Variants in RYR2 observed in about 807,000 individuals in gnomAD.
RYR2 encodes ryanodine receptor 2.
In RYR2, 227 loss-of-function variants were observed where a neutral mutation model predicts 601.1. The observed-to-expected ratio is 0.38, with a 90% CI of 0.34 to 0.42. The LOEUF is 0.42. RYR2 is among the 10% of genes least tolerant of loss of function. RYR2 has a pLI of 1.00. For missense variants in RYR2, 4,646 were observed against 6,156.5 expected, an observed-to-expected ratio of 0.75 and a Z score of 8.21; for synonymous variants, 2,223 against 2,175.1, an observed-to-expected ratio of 1.02 and a Z score of -0.61.
intron 12 of RYR2, among the ~76,000 whole-genome samples, chr1:237,429,667 A>G (rs767037833): frequency 2.5e-4 from 38 of 152,208 alleles, no homozygotes; most frequent in Non-Finnish European, 4.7e-4. Flanking sequence ...AATGCCTGTG[A>G]CAAAGCAGGT....
intron 24 of RYR2, among the ~76,000 whole-genome samples, chr1:237,516,972 G>A (rs1482529780): frequency 1.3e-5 from 2 of 152,080 alleles, no homozygotes; most frequent in South Asian, 2.1e-4. Context: ...ATACACACAC[G>A]TGCATTCATT....
At chr1:237,555,724 A>G (rs984033909) in intron 27 of RYR2, among the ~76,000 whole-genome samples, 8 of 152,142 alleles carry the variant, frequency 5.3e-5, no homozygotes, top group South Asian at 2.1e-4. Flanking sequence ...GGTTGACTCA[A>G]TTTTAAACTT....
At chr1:237,586,718 C>CT (rs895694157) in intron 29 of RYR2, among the ~76,000 whole-genome samples, 49 of 149,258 alleles carry the variant, frequency 3.3e-4, no homozygotes, top group African/African-American at 1.0e-3. Context: ...ATAACAACTT[C>CT]TTTTTTTTTT....
intron 48 of RYR2, among the ~76,000 whole-genome samples, chr1:237,647,894 G>C (rs1220344496): frequency 6.6e-6 from 1 of 152,184 alleles, no homozygotes; most frequent in Non-Finnish European, 1.5e-5. Context: ...TGTTGATAGA[G>C]AAAGCAATAT....
chr1:237,794,350 C>T (rs768669242), intron 95 of RYR2, among the ~76,000 whole-genome samples: 8 of 151,974 alleles, frequency 5.3e-5, no homozygotes, highest in South Asian at 4.2e-4. Flanking sequence ...TATTCATTAA[C>T]GAAAAAGTTG....
At chr1:237,511,666 T>A in intron 23 of RYR2, 22 bp from the exon 24 acceptor site, 1 of 1,533,498 alleles carries the variant, frequency 6.5e-7, no homozygotes, top group Non-Finnish European at 8.9e-7. Context: ...CTATTTTATG[T>A]CAATTTCCTG....
intron 46 of RYR2, 94 bp downstream of exon 46, chr1:237,639,295 C>G: frequency 1.7e-6 from 2 of 1,183,096 alleles, no homozygotes; most frequent in African/African-American, 1.5e-5. Flanking sequence ...TGTAATATAA[C>G]TTGTGGTACA....
chr1:237,535,216 A>T (rs958268497), intron 25 of RYR2, among the ~76,000 whole-genome samples: 23 of 151,938 alleles, frequency 1.5e-4, no homozygotes, highest in African/African-American at 5.3e-4. Flanking sequence ...TGGGGGCGGG[A>T]TGAAATATAA....
intron 36 of RYR2, among the ~76,000 whole-genome samples, chr1:237,611,954 A>G (rs1677918651): frequency 6.6e-6 from 1 of 152,172 alleles, no homozygotes; most frequent in Non-Finnish European, 1.5e-5. Context: ...AAATATGTCC[A>G]CACAAAAACT....
intron 2 of RYR2, among the ~76,000 whole-genome samples, chr1:237,306,911 G>C (rs956588593): frequency 9.9e-5 from 15 of 152,136 alleles, no homozygotes; most frequent in Admixed American, 2.6e-4. Context: ...TCCTTAATAT[G>C]ATGATTCATT....
chr1:237,777,721 A>C (rs1694779479), intron 87 of RYR2, among the ~76,000 whole-genome samples: 1 of 152,204 alleles, frequency 6.6e-6, no homozygotes, highest in Non-Finnish European at 1.5e-5. Flanking sequence ...AAGAGAACAA[A>C]GTTAGGTTTG....
At chr1:237,403,221 G>A (rs1703546571) in intron 10 of RYR2, among the ~76,000 whole-genome samples, 1 of 152,112 alleles carries the variant, frequency 6.6e-6, no homozygotes, top group African/African-American at 2.4e-5. Context: ...TCAGATCACA[G>A]GTATGCACAT....
intron 1 of RYR2, among the ~76,000 whole-genome samples, chr1:237,207,946 C>A (rs1481057813): frequency 1.3e-5 from 2 of 152,172 alleles, no homozygotes; most frequent in East Asian, 3.9e-4. Context: ...GTCTTTGAAA[C>A]TAGCTGGAGA....
Position 237,492,901 on chromosome 1 carries a change from G to GAGGGAGGA in RYR2, c.1828-48_1828-47insGGAAGGGA, listed in dbSNP as rs1188479593. 1.4e-5 allele frequency: 17 copies of GAGGGAGGA among 1,253,256 alleles called. No individual in the cohort carries two copies. The African/African-American group carries it at 2.2e-4, about 16-fold the overall frequency. The allele number at this position is 1,253,256 out of a possible 1,614,324, so 77.6% of individuals were successfully genotyped here. A position where few individuals can be genotyped will look rare whatever the true frequency, so the allele number is the denominator to read the frequency against. On this transcript the variant is annotated intron_variant, in intron 18 of 104. Transcript: ENST00000366574. ...GAAGGAAGGAAGGGAGGGAGGGAGG[G>GAGGGAGGA]AGGGAAAGCAGGGAGGGAGGGAGGA...
chr1:237,119,466 C>T (rs1278375569), intron 1 of RYR2, among the ~76,000 whole-genome samples: 1 of 152,234 alleles, frequency 6.6e-6, no homozygotes, highest in East Asian at 1.9e-4. Context: ...CTTGGTGCAC[C>T]TGCGCCAGCA....
rs1262999968 is a variant in RYR2 at position 237,042,200 on chromosome 1, C to A, written c.-322C>A. 1 of 159,188 alleles carries A rather than the reference C, an allele frequency of 6.3e-6. No homozygotes were observed. The highest frequency in any genetic ancestry group is 1.4e-5 in the Non-Finnish European group (1 of 72,818). The allele number at this position is 159,188 out of a possible 1,614,324, so 9.9% of individuals were successfully genotyped here. A position where few individuals can be genotyped will look rare whatever the true frequency, so the allele number is the denominator to read the frequency against. On this transcript the variant is annotated 5_prime_UTR_variant, in exon 1 of 105. Transcript: ENST00000366574. ...GCTCCGCGCACTTGCTCGGAGGAGCCGGGGCCGAGCGGACCGCCGGCTGCA... is the reference window on the plus strand; with the variant it reads ...GCTCCGCGCACTTGCTCGGAGGAGCAGGGGCCGAGCGGACCGCCGGCTGCA...
At chr1:237,802,035 A>G (rs1360828682) in intron 98 of RYR2, 119 bp downstream of exon 98, 1 of 586,900 alleles carries the variant, frequency 1.7e-6, no homozygotes, top group African/African-American at 1.8e-5. Context: ...CATTTCATAC[A>G]GACCAGATCT....
At chr1:237,613,337 A>G (rs776155186) in intron 36 of RYR2, among the ~76,000 whole-genome samples, 5 of 152,226 alleles carry the variant, frequency 3.3e-5, no homozygotes, top group Non-Finnish European at 7.3e-5. Context: ...TCATGTCTAT[A>G]TTATTCACCA....
intron 79 of RYR2, 41 bp downstream of exon 79, chr1:237,733,797 T>A (rs1367560454): frequency 7.7e-7 from 1 of 1,300,914 alleles, no homozygotes; most frequent in Admixed American, 1.7e-5. Context: ...TTAATTTTAA[T>A]AAAGGGAAGT....
Sources: allele counts gnomAD v4.1 joint callset (sites outside exome capture counted in the v4.1 genomes callset), GRCh38; gene constraint gnomAD v4.1.1; transcripts MANE v1.5; gene names NCBI Gene and HGNC (gene_info 2026-07-23, HGNC 2026-07-21).